Variants in ADAMTS20 observed in about 807,000 individuals in gnomAD.
The protein encoded by ADAMTS20 is A disintegrin and metalloproteinase with thrombospondin motifs 20.
A neutral mutation model predicts 260.1 loss-of-function variants in ADAMTS20; 225 were observed. The ratio of observed to expected loss-of-function variants is 0.87; its 90% CI spans 0.78 to 0.97. ADAMTS20 has a LOEUF of 0.97. ADAMTS20 is among the 50% of genes least tolerant of loss of function. The pLI is 0.00. For missense variants in ADAMTS20, 2,400 were observed against 2,337.7 expected (o/e 1.03, Z -0.55); for synonymous variants, 802 against 769.5 (o/e 1.04, Z -0.70).
intron 16 of ADAMTS20, among the ~76,000 whole-genome samples, chr12:43,441,012 C>G (rs1433293691): frequency 6.7e-6 from 1 of 149,242 alleles, no homozygotes; most frequent in African/African-American, 2.5e-5. Context: ...TTGCAGTGAG[C>G]TGAGATAGCG....
chr12:43,529,383 C>A lies in ADAMTS20; in HGVS notation c.613+2653G>T, dbSNP rs1043761094. On this transcript the variant is annotated intron_variant, in intron 3 of 38. Transcript: ENST00000389420. ...TTTATTGCAGTCAAATTCACAGTTG[C>A]AAAGATATGAAACCAACCTACGTGC... Among the ~76,000 whole-genome samples the A allele has an allele frequency of 5.9e-5, 9 of 152,150 alleles. No individual in the cohort carries two copies. In the East Asian group the frequency reaches 1.7e-3, roughly 29 times the overall value.
chr12:43,468,248 A>G (rs1942190826), intron 8 of ADAMTS20, among the ~76,000 whole-genome samples: 1 of 152,226 alleles, frequency 6.6e-6, no homozygotes, highest in African/African-American at 2.4e-5. Flanking sequence ...GGAGTCCCCC[A>G]GAACCAGGAG....
At chr12:43,518,816 G>C (rs1308501920) in intron 3 of ADAMTS20, among the ~76,000 whole-genome samples, 1 of 93,234 alleles carries the variant, frequency 1.1e-5, no homozygotes, top group Non-Finnish European at 2.1e-5. Context: ...CACTGGCTCA[G>C]GAAAAAAAAA....
At chr12:43,493,149 A>T in intron 5 of ADAMTS20, 21 bp downstream of exon 5, 2 of 1,499,322 alleles carry the variant, frequency 1.3e-6, no homozygotes, top group Non-Finnish European at 1.8e-6. Flanking sequence ...TAAGGTTACT[A>T]ATTTTAGACC....
At chr12:43,394,814 CT>C (rs1049995720) in intron 29 of ADAMTS20, among the ~76,000 whole-genome samples, 1 of 152,066 alleles carries the variant, frequency 6.6e-6, no homozygotes, top group African/African-American at 2.4e-5. Context: ...CCAACATTTC[CT>C]GCACTATGAC....
intron 4 of ADAMTS20, among the ~76,000 whole-genome samples, chr12:43,500,857 A>C (rs1365620527): frequency 2.0e-5 from 3 of 152,096 alleles, no homozygotes; most frequent in Non-Finnish European, 2.9e-5. Context: ...TATTTTAGAA[A>C]AATGATTGTC....
At chr12:43,536,877 G>A (rs560424278) in intron 2 of ADAMTS20, among the ~76,000 whole-genome samples, 7 of 152,242 alleles carry the variant, frequency 4.6e-5, no homozygotes, top group African/African-American at 1.7e-4. Flanking sequence ...TTTTCCACAT[G>A]GAAAGGCATG....
At position 43,539,961 on chromosome 12, in the gene ADAMTS20, C is replaced by T. The variant is rs1475285104; in HGVS notation, c.454-7766G>A. 5.9e-5 allele frequency among the ~76,000 whole-genome samples: 9 copies of T among 151,746 alleles called. No individual in the cohort carries two copies. The East Asian group carries it at 1.7e-3, about 29-fold the overall frequency. ...GCAGTGGCACGATCTCAGCTCACTG[C>T]AACCTCCACCTCCCGGGTTCAAGTG... On this transcript the variant is annotated intron_variant, in intron 2 of 38. Coordinates refer to ENST00000389420, the MANE Select transcript of ADAMTS20 (RefSeq NM_025003.5).
intron 8 of ADAMTS20, among the ~76,000 whole-genome samples, chr12:43,468,188 G>A (rs1023654705): frequency 6.6e-6 from 1 of 152,176 alleles, no homozygotes; most frequent in African/African-American, 2.4e-5. Flanking sequence ...ATCCTCTGTT[G>A]GGGCACATTA....
At chr12:43,492,444 T>A in intron 6 of ADAMTS20, 61 bp downstream of exon 6, 2 of 1,488,546 alleles carry the variant, frequency 1.3e-6, no homozygotes, top group South Asian at 1.3e-5. Context: ...AGAAGAAGTA[T>A]CAGTCATGCA....
At chr12:43,519,586 A>G (rs1364412665) in intron 3 of ADAMTS20, among the ~76,000 whole-genome samples, 2 of 151,684 alleles carry the variant, frequency 1.3e-5, no homozygotes, top group Admixed American at 1.3e-4. Context: ...GTCCAACTCC[A>G]CTCTCATATT....
chr12:43,491,015 A>G (rs185576045), intron 6 of ADAMTS20, among the ~76,000 whole-genome samples: 54 of 152,210 alleles, frequency 3.5e-4, no homozygotes, highest in Admixed American at 1.2e-3. Context: ...ACATAATACT[A>G]TGTATAAAAT....
chr12:43,366,272 T>C (rs960827813), intron 37 of ADAMTS20, among the ~76,000 whole-genome samples: 2 of 151,882 alleles, frequency 1.3e-5, no homozygotes, highest in African/African-American at 4.8e-5. Flanking sequence ...AAAAGGTCAA[T>C]ATGTTAGGAA....
intron 2 of ADAMTS20, among the ~76,000 whole-genome samples, chr12:43,546,992 GA>G (rs1389712548): frequency 6.6e-6 from 1 of 151,918 alleles, no homozygotes; most frequent in Non-Finnish European, 1.5e-5. Context: ...AAATACTTAG[GA>G]AAAAAACTAA....
At chr12:43,355,428 G>A (rs1939723623) in intron 38 of ADAMTS20, among the ~76,000 whole-genome samples, 1 of 152,120 alleles carries the variant, frequency 6.6e-6, no homozygotes, top group Non-Finnish European at 1.5e-5. Flanking sequence ...ACTTCTCAAC[G>A]AAATGAATAA....
chr12:43,461,259 G>C (rs781194293), intron 11 of ADAMTS20, among the ~76,000 whole-genome samples: 17 of 151,602 alleles, frequency 1.1e-4, no homozygotes, highest in Non-Finnish European at 2.4e-4. Flanking sequence ...CCAAAGTGCT[G>C]GGATTACAGG....
intron 8 of ADAMTS20, among the ~76,000 whole-genome samples, chr12:43,467,154 A>G (rs1306013116): frequency 6.6e-6 from 1 of 152,092 alleles, no homozygotes; most frequent in African/African-American, 2.4e-5. Flanking sequence ...AGGTAAAGGT[A>G]ATACCACACT....
chr12:43,469,498 C>G (rs780180465), intron 7 of ADAMTS20, among the ~76,000 whole-genome samples: 8 of 152,080 alleles, frequency 5.3e-5, no homozygotes, highest in Non-Finnish European at 7.4e-5. Context: ...CCATACTTCA[C>G]CACCAATCAT....
intron 4 of ADAMTS20, among the ~76,000 whole-genome samples, chr12:43,501,367 C>T (rs1198940609): frequency 6.6e-6 from 1 of 151,796 alleles, no homozygotes; most frequent in Non-Finnish European, 1.5e-5. Flanking sequence ...GCCAGTAATT[C>T]ATCAACTAAA....
Sources: allele counts gnomAD v4.1 joint callset (sites outside exome capture counted in the v4.1 genomes callset), GRCh38; gene constraint gnomAD v4.1.1; transcripts MANE v1.5; gene names NCBI Gene and HGNC (gene_info 2026-07-23, HGNC 2026-07-21).